SPTSSA: variants seen among roughly 807,000 people sequenced by gnomAD.
The protein encoded by SPTSSA is serine palmitoyltransferase small subunit A.
Under a neutral mutation model 9.1 loss-of-function variants are expected in SPTSSA, and 8 were observed. The ratio of observed to expected loss-of-function variants is 0.88; its 90% CI spans 0.51 to 1.58. The LOEUF (loss-of-function observed/expected upper bound fraction) is 1.58. SPTSSA is among the 40% of genes most tolerant of loss of function. The pLI, the probability that SPTSSA is intolerant of heterozygous loss-of-function variation, is 0.00. For missense variants in SPTSSA, 100 were observed against 93.8 expected (o/e 1.07, Z -0.27); for synonymous variants, 42 against 37.7 (o/e 1.11, Z -0.41).
chr14:34,442,167 C>T (rs376481759), intron 1 of SPTSSA, among the ~76,000 whole-genome samples: 10 of 152,216 alleles, frequency 6.6e-5, no homozygotes, highest in Admixed American at 5.2e-4. Flanking sequence ...TGAGCCACCT[C>T]GTGAGGCCTC....
At chr14:34,441,311 T>C (rs1254306238) in intron 1 of SPTSSA, among the ~76,000 whole-genome samples, 1 of 152,164 alleles carries the variant, frequency 6.6e-6, no homozygotes, top group Non-Finnish European at 1.5e-5. Flanking sequence ...GTAAACACTT[T>C]GTAACTTTAC....
intron 1 of SPTSSA, among the ~76,000 whole-genome samples, chr14:34,437,359 T>C (rs1291629277): frequency 6.6e-6 from 1 of 152,252 alleles, no homozygotes; most frequent in Non-Finnish European, 1.5e-5. Context: ...CACTGGCTCT[T>C]TCCTTTATGA....
chr14:34,448,655 G>A (rs1883467126), intron 1 of SPTSSA, among the ~76,000 whole-genome samples: 1 of 152,088 alleles, frequency 6.6e-6, no homozygotes, highest in Admixed American at 6.6e-5. Flanking sequence ...CTATGTTCAG[G>A]CCCACTTCCA....
chr14:34,438,676 T>A (rs1883276346), intron 1 of SPTSSA, among the ~76,000 whole-genome samples: 1 of 152,206 alleles, frequency 6.6e-6, no homozygotes, highest in Non-Finnish European at 1.5e-5. Flanking sequence ...GGTTTTTTAT[T>A]CCTTCTCCCC....
chr14:34,448,390 T>C (rs568539957), intron 1 of SPTSSA, among the ~76,000 whole-genome samples: 1 of 152,172 alleles, frequency 6.6e-6, no homozygotes, highest in South Asian at 2.1e-4. Context: ...CTGCCTCCCA[T>C]AAAGATTTAT....
intron 1 of SPTSSA, among the ~76,000 whole-genome samples, chr14:34,456,744 T>G (rs1252333605): frequency 6.6e-6 from 1 of 150,880 alleles, no homozygotes; most frequent in African/African-American, 2.4e-5. Flanking sequence ...CTAAAAAATA[T>G]AAAAATTAGC....
rs1182946744 is a variant in SPTSSA, at chr14:34,434,276, C to T, written c.*925G>A. On this transcript the variant is annotated 3_prime_UTR_variant, in exon 2 of 2. Transcript: ENST00000298130. Reference sequence around the variant, plus strand: ...AATACAAAGAGTGAAAGGATTTTAACCAAGTTTACATTTCTTTTTGCTATA... The same window carrying T: ...AATACAAAGAGTGAAAGGATTTTAATCAAGTTTACATTTCTTTTTGCTATA... The T allele has an allele frequency of 6.6e-6, 1 of 152,346 alleles. No individual in the cohort carries two copies. Among genetic ancestry groups the T allele is most frequent in the East Asian group, 1.9e-4 (1 of 5,192 alleles). 9.4% of individuals were successfully genotyped at this position (152,346 alleles called of 1,614,324 possible). A position where few individuals can be genotyped will look rare whatever the true frequency, so the allele number is the denominator to read the frequency against.
At chr14:34,451,408 T>C (rs542702671) in intron 1 of SPTSSA, among the ~76,000 whole-genome samples, 21 of 152,232 alleles carry the variant, frequency 1.4e-4, no homozygotes, top group African/African-American at 4.6e-4. Flanking sequence ...TCCAATCCTA[T>C]ATTAATCAAA....
At chr14:34,448,564 A>G (rs1295291076) in intron 1 of SPTSSA, among the ~76,000 whole-genome samples, 2 of 152,196 alleles carry the variant, frequency 1.3e-5, no homozygotes, top group African/African-American at 4.8e-5. Context: ...CCATTTACAT[A>G]GGGCATACCC....
intron 1 of SPTSSA, among the ~76,000 whole-genome samples, chr14:34,455,806 A>G (rs1188954458): frequency 6.6e-6 from 1 of 151,688 alleles, no homozygotes; most frequent in Non-Finnish European, 1.5e-5. Context: ...GTGGCGTGCA[A>G]CTGTAATCCT....
chr14:34,456,973 A>ATTATTATTATT (rs1878496181), intron 1 of SPTSSA, among the ~76,000 whole-genome samples: 1 of 148,270 alleles, frequency 6.7e-6, no homozygotes, highest in African/African-American at 2.5e-5. Context: ...TATTATTATT[A>ATTATTATTATT]CTATTATTAT....
At chr14:34,442,905 G>T (rs1037916822) in intron 1 of SPTSSA, among the ~76,000 whole-genome samples, 23 of 151,860 alleles carry the variant, frequency 1.5e-4, no homozygotes, top group African/African-American at 5.6e-4. Context: ...CATGGCTAAG[G>T]TTCCAAGCTA....
At chr14:34,459,550 G>A (rs2138837778) in intron 1 of SPTSSA, among the ~76,000 whole-genome samples, 1 of 152,080 alleles carries the variant, frequency 6.6e-6, no homozygotes, top group African/African-American at 2.4e-5. Context: ...GGAGGCTGCA[G>A]TGGGCAGATC....
rs192854655 is a variant in SPTSSA at position 34,456,484 on chromosome 14, C to G, written c.112+5612G>C. 5.9e-4 allele frequency among the ~76,000 whole-genome samples: 90 copies of G among 152,126 alleles called. 1 individual carries two copies. The highest frequency in any genetic ancestry group is 1.1e-3 in the Non-Finnish European group (76 of 67,982). On this transcript the variant is annotated intron_variant, in intron 1 of 1. Coordinates refer to ENST00000298130, the MANE Select transcript of SPTSSA (RefSeq NM_138288.4). ...GGGTGAATCTAATTCCTAACATAAA[C>G]CAAAAAACTGCCCACATTTTGCTGA...
Position 34,435,278 on chromosome 14 carries a change from T to A in SPTSSA, c.139A>T (p.Met47Leu). ...AAGACGTATCCTGTGTATAGTGCCA[T>A]CCCCACAATGGAAACCAGCATGGAA... The part of the protein sequence containing the change: ...FNSMLVSIVG[M>L]ALYTGYVFMP... The change falls in exon 2 of 2, where the codon ATG (methionine) becomes TTG (leucine). Residue 47 changes from methionine (M) to leucine (L), a missense_variant. Coordinates refer to ENST00000298130, the MANE Select transcript of SPTSSA (RefSeq NM_138288.4). 6.2e-7 allele frequency: 1 copy of A among 1,612,630 alleles called. No homozygotes were observed. The highest frequency in any genetic ancestry group is 8.5e-7 in the Non-Finnish European group (1 of 1,179,120).
At chr14:34,442,953 G>T (rs1171762652) in intron 1 of SPTSSA, among the ~76,000 whole-genome samples, 2 of 108,482 alleles carry the variant, frequency 1.8e-5, no homozygotes, top group Admixed American at 1.8e-4. Context: ...CATGTCTAGG[G>T]GGGTGTGTGT....
At chr14:34,436,618 A>G (rs887671718) in intron 1 of SPTSSA, among the ~76,000 whole-genome samples, 3 of 152,252 alleles carry the variant, frequency 2.0e-5, no homozygotes, top group Non-Finnish European at 2.9e-5. Flanking sequence ...TAATATTTGT[A>G]TAACAGGTTA....
At chr14:34,455,940 A>AG (rs1474202773) in intron 1 of SPTSSA, among the ~76,000 whole-genome samples, 1 of 150,468 alleles carries the variant, frequency 6.6e-6, no homozygotes, top group East Asian at 2.0e-4. Flanking sequence ...TCAAAAAAAA[A>AG]AAGTCCTTTT....
chr14:34,443,988 T>C (rs1403510434), intron 1 of SPTSSA, among the ~76,000 whole-genome samples: 2 of 152,222 alleles, frequency 1.3e-5, no homozygotes, highest in Non-Finnish European at 2.9e-5. Flanking sequence ...CGCTCAGGGA[T>C]AGAGAACCCA....
Sources: allele counts gnomAD v4.1 joint callset (sites outside exome capture counted in the v4.1 genomes callset), GRCh38; gene constraint gnomAD v4.1.1; transcripts MANE v1.5; gene names NCBI Gene and HGNC (gene_info 2026-07-23, HGNC 2026-07-21).